ACTL8: variants seen among roughly 807,000 people sequenced by gnomAD.
ACTL8 encodes the protein actin like 8.
In ACTL8, 3 loss-of-function variants were observed where a neutral mutation model predicts 9.3. That is an observed-to-expected ratio of 0.32 (90% confidence interval 0.15 to 0.83). ACTL8 has a LOEUF of 0.83. ACTL8 is among the 40% of genes least tolerant of loss of function. ACTL8 has a pLI of 0.57. For synonymous variants in ACTL8, 224 were observed against 205.9 expected, an observed-to-expected ratio of 1.09 and a Z score of -0.75; for missense variants, 381 against 492.2, an observed-to-expected ratio of 0.77 and a Z score of 2.14.
intron 2 of ACTL8, 21 bp from the exon 3 acceptor site, chr1:17,825,746 G>C: frequency 6.2e-7 from 1 of 1,603,944 alleles, no homozygotes; most frequent in Non-Finnish European, 8.5e-7. Context: ...AATGCACTGA[G>C]TGAATTCTCC....
At chr1:17,786,895 T>C (rs930026815) in intron 1 of ACTL8, among the ~76,000 whole-genome samples, 3 of 151,712 alleles carry the variant, frequency 2.0e-5, no homozygotes, top group African/African-American at 7.3e-5. Flanking sequence ...AGAGACAGGA[T>C]CGTGCTTTCT....
intron 1 of ACTL8, among the ~76,000 whole-genome samples, chr1:17,764,335 T>C (rs2066029113): frequency 6.6e-6 from 1 of 152,202 alleles, no homozygotes; most frequent in African/African-American, 2.4e-5. Flanking sequence ...GCTCCATGCC[T>C]GGCACATAGT....
intron 1 of ACTL8, among the ~76,000 whole-genome samples, chr1:17,806,707 A>G (rs1324583613): frequency 6.6e-6 from 1 of 152,212 alleles, no homozygotes; most frequent in Admixed American, 6.5e-5. Flanking sequence ...ACAGGGAGCA[A>G]GGGAGGGTTT....
chr1:17,793,976 C>A (rs994123077), intron 1 of ACTL8, among the ~76,000 whole-genome samples: 1 of 152,154 alleles, frequency 6.6e-6, no homozygotes, highest in Admixed American at 6.5e-5. Context: ...TCTTTAGAAT[C>A]TCGGGATACT....
chr1:17,816,579 A>T lies in ACTL8; in HGVS notation c.-24-6406A>T, dbSNP rs1256351658. 5.9e-5 allele frequency among the ~76,000 whole-genome samples: 9 copies of T among 152,178 alleles called. No homozygotes were observed. In the East Asian group the frequency reaches 1.7e-3, roughly 29 times the overall value. On this transcript the variant is annotated intron_variant, in intron 1 of 2. Coordinates refer to ENST00000375406, the MANE Select transcript of ACTL8 (RefSeq NM_030812.3). ...AGACTCTGTGTTCTTTTAACATCCT[A>T]TGGAGAACATTTATTTGGTTGTGTT...
intron 1 of ACTL8, among the ~76,000 whole-genome samples, chr1:17,780,919 G>A (rs892005467): frequency 6.6e-6 from 1 of 152,138 alleles, no homozygotes; most frequent in Non-Finnish European, 1.5e-5. Flanking sequence ...TGGGACTGGG[G>A]GGCTGTGTTA....
intron 1 of ACTL8, among the ~76,000 whole-genome samples, chr1:17,761,860 C>T (rs79549020): frequency 0.03 from 4,625 of 152,206 alleles, 247 homozygotes; most frequent in African/African-American, 0.11. Flanking sequence ...CGTGAGCTGC[C>T]GCGCCCGGCC....
rs1311313155 is a variant in ACTL8 at position 17,823,175 on chromosome 1, A to C, written c.167A>C (p.Asp56Ala). Residue 56 changes from aspartate (D) to alanine (A), a missense_variant, in exon 2 of 3, where the codon GAC becomes GCC. Transcript: ENST00000375406. The surrounding 1 kb of genome is among the most constrained non-coding windows in gnomAD (Gnocchi z 5.3). ...YARRRVSLGI[D>A]ICHPDTFSYP... ...CGTAGGCGTGTGAGCCTGGGCATCG[A>C]CATTTGCCATCCTGACACCTTTAGC... 1 of 1,614,012 alleles carries C rather than the reference A, an allele frequency of 6.2e-7. No individual in the cohort carries two copies. Among genetic ancestry groups the C allele is most frequent in the Non-Finnish European group, 8.5e-7 (1 of 1,180,036 alleles).
chr1:17,789,677 C>G (rs763563564), intron 1 of ACTL8, among the ~76,000 whole-genome samples: 2 of 152,148 alleles, frequency 1.3e-5, no homozygotes, highest in Non-Finnish European at 2.9e-5. Flanking sequence ...ACATCATCAT[C>G]TCCATTTTGT....
intron 1 of ACTL8, among the ~76,000 whole-genome samples, chr1:17,808,513 G>A (rs1185305233): frequency 6.6e-6 from 1 of 152,202 alleles, no homozygotes; most frequent in Non-Finnish European, 1.5e-5. Flanking sequence ...AAGGTGGGTG[G>A]CGTGGGGACA....
chr1:17,775,322 GA>G lies in ACTL8; in HGVS notation c.-25+19819del, dbSNP rs201707274. On this transcript the variant is annotated intron_variant, in intron 1 of 2. Coordinates refer to ENST00000375406, the MANE Select transcript of ACTL8 (RefSeq NM_030812.3). ...CCACCCCATCCCTCCCCACTCAGCT[GA>G]TTGACTCCTGGGGCCTGAGTCCTCA... Among the ~76,000 whole-genome samples the G allele has an allele frequency of 7.1e-3, 1,083 of 152,282 alleles. 4 individuals carry two copies. Among genetic ancestry groups the G allele is most frequent in the East Asian group, 0.016 (81 of 5,178 alleles).
rs1301639455 is a variant in ACTL8 at position 17,757,602 on chromosome 1, A to G, written c.-25+2098A>G. Among the ~76,000 whole-genome samples, 9 of 151,928 alleles carry G rather than the reference A, an allele frequency of 5.9e-5. 1 individual carries two copies. In the East Asian group the frequency reaches 1.6e-3, roughly 26 times the overall value. On this transcript the variant is annotated intron_variant, in intron 1 of 2. Coordinates refer to ENST00000375406, the MANE Select transcript of ACTL8 (RefSeq NM_030812.3). ...TCGGCTGGAGCAGATGCTGTTCTCA[A>G]GACTCATCACAGCCACCTGCTGTTG...
At chr1:17,800,742 G>C (rs967228501) in intron 1 of ACTL8, among the ~76,000 whole-genome samples, 1 of 151,580 alleles carries the variant, frequency 6.6e-6, no homozygotes, top group Admixed American at 6.6e-5. Flanking sequence ...CTAAAGGTGC[G>C]TACCACCATG....
At chr1:17,784,446 G>A (rs1410649772) in intron 1 of ACTL8, among the ~76,000 whole-genome samples, 5 of 152,296 alleles carry the variant, frequency 3.3e-5, no homozygotes, top group South Asian at 2.1e-4. Flanking sequence ...TGCCTCATAG[G>A]AACATTAGAA....
At chr1:17,810,101 T>A (rs78234857) in intron 1 of ACTL8, among the ~76,000 whole-genome samples, 3,049 of 152,280 alleles carry the variant, frequency 0.02, 103 homozygotes, top group African/African-American at 0.07. Context: ...GGGCCCCAAT[T>A]CTCTGCACAA....
chr1:17,758,823 C>T (rs1488879381), intron 1 of ACTL8, among the ~76,000 whole-genome samples: 1 of 152,162 alleles, frequency 6.6e-6, no homozygotes, highest in Non-Finnish European at 1.5e-5. Flanking sequence ...CCTGAATAAA[C>T]AATTAGAGTA....
At chr1:17,793,227 G>A (rs148711923) in intron 1 of ACTL8, among the ~76,000 whole-genome samples, 479 of 152,320 alleles carry the variant, frequency 3.1e-3, no homozygotes, top group Non-Finnish European at 5.1e-3. Context: ...TGCATTGGGT[G>A]CTCTTGGTCT....
At chr1:17,756,209 C>T (rs944067186) in intron 1 of ACTL8, among the ~76,000 whole-genome samples, 2 of 151,962 alleles carry the variant, frequency 1.3e-5, no homozygotes, top group African/African-American at 4.8e-5. Flanking sequence ...AATAGGGGCT[C>T]TTCCCAGGGG....
intron 1 of ACTL8, among the ~76,000 whole-genome samples, chr1:17,792,386 T>G (rs2066246092): frequency 6.6e-6 from 1 of 152,242 alleles, no homozygotes; most frequent in Admixed American, 6.5e-5. Flanking sequence ...AAGTACCATG[T>G]GAACATTGTG....
Sources: allele counts gnomAD v4.1 joint callset (sites outside exome capture counted in the v4.1 genomes callset), GRCh38; gene constraint gnomAD v4.1.1; non-coding constraint Gnocchi (gnomAD v3.1); transcripts MANE v1.5; gene names NCBI Gene and HGNC (gene_info 2026-07-23, HGNC 2026-07-21).